PELI2: variants seen among roughly 807,000 people sequenced by gnomAD.
The protein encoded by PELI2 is E3 ubiquitin-protein ligase pellino homolog 2.
A neutral mutation model predicts 42.3 loss-of-function variants in PELI2; 23 were observed. The ratio of observed to expected loss-of-function variants is 0.54; its 90% CI spans 0.39 to 0.77. PELI2 has a LOEUF of 0.77. Among genes scored for constraint, PELI2 ranks in the 30% least tolerant of loss-of-function variants. The probability of loss-of-function intolerance (pLI) is 0.00; values close to 1 mark genes in which losing one functional copy is unlikely to be tolerated. For synonymous variants in PELI2, 245 were observed against 212.2 expected, an observed-to-expected ratio of 1.15 and a Z score of -1.34; for missense variants, 463 against 553.2, an observed-to-expected ratio of 0.84 and a Z score of 1.64.
At chr14:56,155,229 C>T (rs1479021914) in intron 1 of PELI2, among the ~76,000 whole-genome samples, 1 of 139,244 alleles carries the variant, frequency 7.2e-6, no homozygotes, top group Non-Finnish European at 1.6e-5. Flanking sequence ...TCAAGCATAT[C>T]AATCTGTTGG....
chr14:56,171,848 T>C (rs1261079296), intron 1 of PELI2, among the ~76,000 whole-genome samples: 1 of 152,072 alleles, frequency 6.6e-6, no homozygotes, highest in Non-Finnish European at 1.5e-5. Flanking sequence ...AAACCCTGTC[T>C]CTGCTAAAAA....
At chr14:56,122,843 G>A (rs1883113661) in intron 1 of PELI2, among the ~76,000 whole-genome samples, 1 of 152,204 alleles carries the variant, frequency 6.6e-6, no homozygotes, top group Non-Finnish European at 1.5e-5. Flanking sequence ...AAGTGCACAT[G>A]TGTATAGCAA....
intron 1 of PELI2, among the ~76,000 whole-genome samples, chr14:56,168,902 C>G (rs1885066224): frequency 6.6e-6 from 1 of 152,062 alleles, no homozygotes; most frequent in Admixed American, 6.6e-5. Flanking sequence ...TGAATTCTGG[C>G]AGGACTGGGT....
intron 1 of PELI2, among the ~76,000 whole-genome samples, chr14:56,128,346 G>T (rs1252347324): frequency 6.6e-6 from 1 of 152,222 alleles, no homozygotes; most frequent in Non-Finnish European, 1.5e-5. Context: ...CTATATGCCA[G>T]GTTCCGTTAG....
At chr14:56,129,106 G>C (rs1883387116) in intron 1 of PELI2, among the ~76,000 whole-genome samples, 1 of 152,168 alleles carries the variant, frequency 6.6e-6, no homozygotes, top group Non-Finnish European at 1.5e-5. Context: ...CCTGGGCCCA[G>C]TAAAGGCTGT....
intron 1 of PELI2, among the ~76,000 whole-genome samples, chr14:56,142,742 G>C (rs1371727606): frequency 6.6e-6 from 1 of 151,400 alleles, no homozygotes; most frequent in Non-Finnish European, 1.5e-5. Flanking sequence ...AAAAATAGGA[G>C]TACATAGCCT....
intron 2 of PELI2, among the ~76,000 whole-genome samples, chr14:56,203,161 A>G (rs1034978000): frequency 3.9e-5 from 6 of 152,302 alleles, no homozygotes; most frequent in African/African-American, 1.4e-4. Context: ...ACATGCTGAA[A>G]TCCTGTCTCT....
intron 2 of PELI2, among the ~76,000 whole-genome samples, chr14:56,239,766 T>A (rs10498483): frequency 0.4 from 61,270 of 151,954 alleles, 13,077 homozygotes; most frequent in South Asian, 0.53. Flanking sequence ...GGGAAGTCCT[T>A]TAGAGAAGCA....
intron 1 of PELI2, among the ~76,000 whole-genome samples, chr14:56,153,955 G>T (rs1433992202): frequency 6.6e-6 from 1 of 152,076 alleles, no homozygotes; most frequent in Non-Finnish European, 1.5e-5. Flanking sequence ...AATCTAAATT[G>T]AGTAATACTG....
intron 2 of PELI2, among the ~76,000 whole-genome samples, chr14:56,258,655 T>C (rs1160339579): frequency 6.6e-6 from 1 of 151,050 alleles, no homozygotes; most frequent in African/African-American, 2.4e-5. Context: ...CTTGAAGGTA[T>C]TGCAATAGGA....
intron 2 of PELI2, among the ~76,000 whole-genome samples, chr14:56,199,448 C>T (rs113296864): frequency 8.5e-5 from 13 of 152,270 alleles, no homozygotes; most frequent in Middle Eastern, 6.8e-3. Context: ...TAATCACAGA[C>T]GGTAGATTCC....
chr14:56,125,685 A>G (rs1313615238), intron 1 of PELI2, among the ~76,000 whole-genome samples: 4 of 152,188 alleles, frequency 2.6e-5, no homozygotes, highest in Non-Finnish European at 4.4e-5. Context: ...AAACAAATAC[A>G]AGGGCAGATA....
rs149235972 is a variant in PELI2 at position 56,187,004 on chromosome 14, C to T, written c.207+8540C>T. Among the ~76,000 whole-genome samples, 5 of 152,204 alleles carry T rather than the reference C, an allele frequency of 3.3e-5. No individual in the cohort carries two copies. In the South Asian group the frequency reaches 1.0e-3, roughly 32 times the overall value. On this transcript the variant is annotated intron_variant, in intron 2 of 5. Transcript: ENST00000267460. Reference sequence around the variant, plus strand: ...GCAAATTAAAAAAACAAACATGGAGCATTAAAGTTCGAAGGAACTTTATTC... The same window carrying T: ...GCAAATTAAAAAAACAAACATGGAGTATTAAAGTTCGAAGGAACTTTATTC...
intron 1 of PELI2, among the ~76,000 whole-genome samples, chr14:56,132,009 T>C (rs1008884181): frequency 6.6e-6 from 1 of 152,180 alleles, no homozygotes; most frequent in East Asian, 1.9e-4. Flanking sequence ...TTTTCCTTGC[T>C]CCTGTGCAAT....
intron 1 of PELI2, among the ~76,000 whole-genome samples, chr14:56,150,092 C>T (rs928825648): frequency 1.3e-5 from 2 of 152,158 alleles, no homozygotes; most frequent in East Asian, 1.9e-4. Context: ...CCCTCTCAGG[C>T]GCTTGAGATA....
Position 56,297,364 on chromosome 14 carries a change from C to T in PELI2, c.*198C>T, listed in dbSNP as rs1890044650. The T allele has an allele frequency of 1.1e-5, 6 of 524,510 alleles. No homozygotes were observed. The highest frequency in any genetic ancestry group is 2.9e-5 in the East Asian group (1 of 34,810). The allele number at this position is 524,510 out of a possible 1,614,324, so 32.5% of individuals were successfully genotyped here. On this transcript the variant is annotated 3_prime_UTR_variant, in exon 6 of 6. Coordinates refer to ENST00000267460, the MANE Select transcript of PELI2 (RefSeq NM_021255.3). ...GTGTGTTGCATGCTCAAAACAGCAG[C>T]GTCGTCATTGAAGTCTGCTTGATTA...
intron 1 of PELI2, among the ~76,000 whole-genome samples, chr14:56,159,661 G>A (rs955868608): frequency 6.6e-6 from 1 of 151,812 alleles, no homozygotes; most frequent in African/African-American, 2.4e-5. Context: ...TTTACCCATA[G>A]GGTAAAAAAA....
At chr14:56,172,385 G>A (rs775861886) in intron 1 of PELI2, among the ~76,000 whole-genome samples, 2 of 152,198 alleles carry the variant, frequency 1.3e-5, no homozygotes, top group Non-Finnish European at 2.9e-5. Context: ...GCCTTTGGAA[G>A]TCTCAGAACA....
intron 3 of PELI2, among the ~76,000 whole-genome samples, chr14:56,280,892 C>T (rs1889462132): frequency 6.6e-6 from 1 of 151,436 alleles, no homozygotes; most frequent in South Asian, 2.1e-4. Flanking sequence ...CAAAAATGGA[C>T]AAAGAACAAA....
Sources: allele counts gnomAD v4.1 joint callset (sites outside exome capture counted in the v4.1 genomes callset), GRCh38; gene constraint gnomAD v4.1.1; transcripts MANE v1.5; gene names NCBI Gene and HGNC (gene_info 2026-07-23, HGNC 2026-07-21).